Variants in CD82 observed in about 807,000 individuals in gnomAD.
CD82 encodes CD82 antigen.
In CD82, 36 loss-of-function variants were observed where a neutral mutation model predicts 37.4. That is an observed-to-expected ratio of 0.96 (90% CI 0.74 to 1.27). The LOEUF is 1.27. Among genes scored for constraint, CD82 ranks in the 50% most tolerant of loss-of-function variants. The pLI is 0.00. For missense variants in CD82, 340 were observed against 347.0 expected, an observed-to-expected ratio of 0.98 and a Z score of 0.16; for synonymous variants, 158 against 137.4, an observed-to-expected ratio of 1.15 and a Z score of -1.05.
At chr11:44,603,174 G>A (rs1359502833) in intron 4 of CD82, among the ~76,000 whole-genome samples, 10 of 152,184 alleles carry the variant, frequency 6.6e-5, no homozygotes, top group Admixed American at 6.5e-4. Flanking sequence ...GGGGCTCAGT[G>A]CCAGAAGATC....
intron 6 of CD82, among the ~76,000 whole-genome samples, chr11:44,614,991 T>C (rs543877242): frequency 6.6e-6 from 1 of 152,258 alleles, no homozygotes; most frequent in South Asian, 2.1e-4. Flanking sequence ...CGGTGGGAAC[T>C]GCCCTGGAGG....
intron 1 of CD82, among the ~76,000 whole-genome samples, chr11:44,582,976 A>G (rs1385878383): frequency 1.3e-5 from 2 of 152,292 alleles, no homozygotes; most frequent in South Asian, 4.1e-4. Context: ...CTATCCCCCA[A>G]CATACACAAT....
intron 1 of CD82, among the ~76,000 whole-genome samples, chr11:44,583,937 T>C (rs1241714448): frequency 6.6e-6 from 1 of 152,166 alleles, no homozygotes; most frequent in Non-Finnish European, 1.5e-5. Flanking sequence ...CACTGGTTCA[T>C]GGGATCCTGT....
chr11:44,573,125 AGAGCGAGGCCT>A (rs2134618746), intron 1 of CD82: 1 of 152,430 alleles, frequency 6.6e-6, no homozygotes, highest in East Asian at 1.9e-4. Context: ...AGGGGAGCGC[AGAGCGAGGCCT>A]GAGGTGTTTC....
intron 1 of CD82, among the ~76,000 whole-genome samples, chr11:44,585,881 T>C (rs116106113): frequency 8.2e-4 from 125 of 152,340 alleles, no homozygotes; most frequent in African/African-American, 2.8e-3. Context: ...GTTCTTCTCA[T>C]GCACAGTGAT....
chr11:44,614,470 A>G (rs1386207927), intron 6 of CD82, among the ~76,000 whole-genome samples: 1 of 152,220 alleles, frequency 6.6e-6, no homozygotes, highest in Non-Finnish European at 1.5e-5. Flanking sequence ...CCACACAACT[A>G]TTCTGTGCCA....
At chr11:44,605,542 G>C in intron 6 of CD82, 113 bp downstream of exon 6, 1 of 963,988 alleles carries the variant, frequency 1.0e-6, no homozygotes. Context: ...AGATCCAGTA[G>C]GTGTCAGGGA....
chr11:44,618,792 C>T, intron 9 of CD82, 69 bp downstream of exon 9: 1 of 1,386,402 alleles, frequency 7.2e-7, no homozygotes, highest in Non-Finnish European at 1.0e-6. Flanking sequence ...CTGCTGATCT[C>T]CTTGGGGAGG....
intron 1 of CD82, among the ~76,000 whole-genome samples, chr11:44,572,915 C>T (rs1203174545): frequency 1.3e-5 from 2 of 152,158 alleles, no homozygotes; most frequent in Non-Finnish European, 2.9e-5. Flanking sequence ...CAGAGTTACC[C>T]GTCCCGCCAC....
chr11:44,572,493 A>C (rs775496773), intron 1 of CD82, among the ~76,000 whole-genome samples: 18 of 152,236 alleles, frequency 1.2e-4, no homozygotes, highest in Non-Finnish European at 2.5e-4. Flanking sequence ...TGAATAAATC[A>C]TATTTTTTTC....
Position 44,618,363 on chromosome 11 carries a change from G to A in CD82, c.640G>A (p.Glu214Lys). Residue 214 changes from glutamate (E) to lysine (K), a missense_variant and splice_region_variant, in exon 8 of 10, where the codon GAG becomes AAG. By Grantham distance (56) the Glu-to-Lys change is moderately conservative. Transcript: ENST00000227155. ...NHPEDWPVYQ[E>K]GCMEKVQAWL... ...CCCTGAGGACTGGCCTGTGTACCAG[G>A]AGGTGTGCGGGGGGCTGCGGATCGG... The A allele has an allele frequency of 6.2e-7, 1 of 1,612,638 alleles. No individual in the cohort carries two copies.
intron 1 of CD82, among the ~76,000 whole-genome samples, chr11:44,583,227 A>T (rs1853006447): frequency 1.3e-5 from 2 of 152,152 alleles, no homozygotes; most frequent in Non-Finnish European, 2.9e-5. Flanking sequence ...AAGAGGTCAG[A>T]GGCTATGGCT....
intron 6 of CD82, among the ~76,000 whole-genome samples, chr11:44,614,351 C>G (rs555317830): frequency 6.6e-6 from 1 of 152,366 alleles, no homozygotes; most frequent in East Asian, 1.9e-4. Context: ...CTCCTTCTCC[C>G]TGAAGCTGCC....
chr11:44,587,400 G>A, intron 1 of CD82, 75 bp from the exon 2 acceptor site: 2 of 453,674 alleles, frequency 4.4e-6, no homozygotes, highest in South Asian at 3.1e-5. Context: ...TGGATTTAAA[G>A]TGAGTATGTC....
intron 1 of CD82, among the ~76,000 whole-genome samples, chr11:44,584,117 G>T (rs1175318614): frequency 6.6e-6 from 1 of 152,108 alleles, no homozygotes; most frequent in African/African-American, 2.4e-5. Context: ...TGACCCCAAA[G>T]CTCCTTCCAT....
rs904205967 is a variant in CD82, at chr11:44,618,377, G to A, written c.642+12G>A. 4 of 1,609,226 alleles carry A rather than the reference G, an allele frequency of 2.5e-6. No individual in the cohort carries two copies. The highest frequency in any genetic ancestry group is 1.7e-5 in the Admixed American group (1 of 59,908). On this transcript the variant is annotated intron_variant, in intron 8 of 9. Coordinates refer to ENST00000227155, the MANE Select transcript of CD82 (RefSeq NM_002231.4). ...CTGTGTACCAGGAGGTGTGCGGGGG[G>A]CTGCGGATCGGGGGCGGGGCTCCGA...
At chr11:44,588,594 C>T (rs1040182795) in intron 2 of CD82, among the ~76,000 whole-genome samples, 1 of 152,188 alleles carries the variant, frequency 6.6e-6, no homozygotes, top group Non-Finnish European at 1.5e-5. Context: ...GTCACTTGTC[C>T]AAGGTCACAC....
At chr11:44,568,329 C>A (rs1404032028) in intron 1 of CD82, among the ~76,000 whole-genome samples, 1 of 152,110 alleles carries the variant, frequency 6.6e-6, no homozygotes, top group Non-Finnish European at 1.5e-5. Context: ...GGGGACTGTT[C>A]CAGCACATTT....
At chr11:44,567,612 A>G (rs566585525) in intron 1 of CD82, among the ~76,000 whole-genome samples, 42 of 152,112 alleles carry the variant, frequency 2.8e-4, no homozygotes, top group African/African-American at 1.0e-3. Context: ...AGGGTCTGGT[A>G]GGTGGTGCCT....
Sources: gnomAD v4.1 joint callset for allele counts (sites outside exome capture counted in the v4.1 genomes callset) on GRCh38, gnomAD v4.1.1 for gene constraint, MANE v1.5 for transcripts, NCBI Gene and HGNC (gene_info 2026-07-23, HGNC 2026-07-21) for gene names.